CENPE: variants seen among roughly 807,000 people sequenced by gnomAD.
CENPE encodes centromere-associated protein E.
CENPE carries 145 observed loss-of-function variants against 336.1 expected under a neutral mutation model. The ratio of observed to expected loss-of-function variants is 0.43; its 90% CI spans 0.38 to 0.50. CENPE has a LOEUF of 0.50. CENPE is among the 20% of genes least tolerant of loss of function. The probability of loss-of-function intolerance (pLI) is 0.00; values close to 1 mark genes in which losing one functional copy is unlikely to be tolerated. For missense variants in CENPE, 2,719 were observed against 3,023.3 expected, an observed-to-expected ratio of 0.90 and a Z score of 2.36; for synonymous variants, 1,013 against 984.8, an observed-to-expected ratio of 1.03 and a Z score of -0.54.
intron 37 of CENPE, 37 bp downstream of exon 37, chr4:103,140,217 GCA>G (rs1560618184): frequency 6.5e-7 from 1 of 1,547,424 alleles, no homozygotes; most frequent in Non-Finnish European, 8.7e-7. Context: ...ATAATTTTGG[GCA>G]CAGTTACTTC....
chr4:103,182,736 T>G, intron 11 of CENPE, 26 bp downstream of exon 11: 1 of 1,573,352 alleles, frequency 6.4e-7, no homozygotes, highest in Non-Finnish European at 8.6e-7. Context: ...TCCCCTATAT[T>G]AAGCTGAGAT....
intron 16 of CENPE, among the ~76,000 whole-genome samples, chr4:103,171,666 A>T (rs1184769500): frequency 6.6e-6 from 1 of 151,866 alleles, no homozygotes; most frequent in Non-Finnish European, 1.5e-5. Context: ...CAGAGCAGAA[A>T]TAAACAAAAT....
chr4:103,112,472 T>C (rs1749552553), intron 46 of CENPE, among the ~76,000 whole-genome samples: 1 of 140,242 alleles, frequency 7.1e-6, no homozygotes, highest in South Asian at 2.1e-4. Context: ...TATACATATA[T>C]ACTTATATAT....
intron 24 of CENPE, among the ~76,000 whole-genome samples, chr4:103,157,059 CAAAAA>C (rs34199706): frequency 4.1e-5 from 4 of 98,034 alleles, no homozygotes; most frequent in South Asian, 3.1e-4. Context: ...TGGCTACTAT[CAAAAA>C]AAAAAAAAAA....
rs761614204 is a variant in CENPE, at chr4:103,132,797, C to T, written c.6820G>A (p.Glu2274Lys). The T allele has an allele frequency of 2.5e-6, 4 of 1,577,424 alleles. No homozygotes were observed. In the African/African-American group the frequency reaches 5.4e-5, roughly 21 times the overall value. The change falls in exon 42 of 49, where the codon GAG becomes AAG. Residue 2274 changes from glutamate to lysine, a missense_variant. By Grantham distance (56) the Glu-to-Lys change is moderately conservative. Transcript: ENST00000265148. Reference sequence around the variant, plus strand: ...ATATCAAAACGAGTATTTAACCACTCTTCCAAAAACTGTGTCATTTCTTTC... The same window carrying T: ...ATATCAAAACGAGTATTTAACCACTTTTCCAAAAACTGTGTCATTTCTTTC... ...NRKEMTQFLE[E>K]WLNTRFDIEK...
At chr4:103,181,483 G>A in intron 11 of CENPE, 27 bp from the exon 12 acceptor site, 7 of 1,534,362 alleles carry the variant, frequency 4.6e-6, no homozygotes, top group Non-Finnish European at 5.2e-6. Context: ...AAAGTGCTAA[G>A]TGTTCAACAC....
intron 8 of CENPE, among the ~76,000 whole-genome samples, chr4:103,186,234 C>A (rs559535758): frequency 6.6e-6 from 1 of 152,324 alleles, no homozygotes; most frequent in East Asian, 1.9e-4. Flanking sequence ...ACTTCTACAC[C>A]TCCAAGCACC....
intron 33 of CENPE, among the ~76,000 whole-genome samples, chr4:103,143,840 C>T (rs751550855): frequency 1.3e-5 from 2 of 152,168 alleles, no homozygotes; most frequent in African/African-American, 2.4e-5. Context: ...TGTGGATCAA[C>T]GAATAAACCT....
intron 46 of CENPE, among the ~76,000 whole-genome samples, chr4:103,112,240 TATATATA>T (rs1749510309): frequency 6.8e-6 from 1 of 147,908 alleles, no homozygotes; most frequent in Admixed American, 6.8e-5. Context: ...ATATAAGTAT[TATATATA>T]ATATATATTG....
chr4:103,198,146 T>TC, intron 1 of CENPE, 118 bp downstream of exon 1: 1 of 927,580 alleles, frequency 1.1e-6, no homozygotes, highest in Admixed American at 2.5e-5. Context: ...AGCAGCCGAG[T>TC]CACTAGACAG....
intron 16 of CENPE, among the ~76,000 whole-genome samples, chr4:103,164,522 C>A (rs973532420): frequency 6.7e-6 from 1 of 148,606 alleles, no homozygotes; most frequent in Non-Finnish European, 1.5e-5. Flanking sequence ...TAATGTCAGA[C>A]ACATATGTAA....
chr4:103,109,993 ATTC>A (rs1490493850), intron 47 of CENPE, among the ~76,000 whole-genome samples: 1 of 152,100 alleles, frequency 6.6e-6, no homozygotes, highest in East Asian at 1.9e-4. Context: ...CCAATTAGTT[ATTC>A]TTCTTAACTC....
Position 103,133,704 on chromosome 4 carries a change from T to C in CENPE, c.6711A>G (p.Leu2237=), listed in dbSNP as rs1186203756. The C allele has an allele frequency of 6.4e-7, 1 of 1,566,974 alleles. No homozygotes were observed. The highest frequency in any genetic ancestry group is 1.4e-5 in the African/African-American group (1 of 73,720). Residue 2237 remains leucine, a synonymous_variant, in exon 41 of 49, where the codon CTA becomes CTG. Coordinates refer to ENST00000265148, the MANE Select transcript of CENPE (RefSeq NM_001813.3). The stretch of plus-strand genomic sequence containing the variant: ...TTAAAATAAATTATACCTCAATATG[T>C]AGATCCATATTCTGGTTCAATTTGA... ...RDLKLNQNMD[L]HIEEILKDFS...
At chr4:103,179,139 T>G (rs1756123072) in intron 13 of CENPE, among the ~76,000 whole-genome samples, 1 of 152,182 alleles carries the variant, frequency 6.6e-6, no homozygotes, top group Non-Finnish European at 1.5e-5. Context: ...TCCTTCTCCC[T>G]TTCTCTGCCC....
intron 14 of CENPE, 30 bp from the exon 15 acceptor site, chr4:103,176,078 A>C (rs1447068232): frequency 7.2e-7 from 1 of 1,382,702 alleles, no homozygotes; most frequent in Non-Finnish European, 9.9e-7. Flanking sequence ...AAATTTGTCC[A>C]TGAACATGTT....
intron 20 of CENPE, 65 bp from the exon 21 acceptor site, chr4:103,160,844 T>C: frequency 7.4e-7 from 1 of 1,356,794 alleles, no homozygotes; most frequent in South Asian, 1.4e-5. Flanking sequence ...AATTTTTAAT[T>C]GTCCTTGAAT....
chr4:103,188,105 T>C (rs1455099500), intron 8 of CENPE, among the ~76,000 whole-genome samples: 3 of 152,130 alleles, frequency 2.0e-5, no homozygotes, highest in East Asian at 1.9e-4. Context: ...CTATCCTAAA[T>C]ATATATGCAC....
chr4:103,134,068 G>A (rs1198956077), intron 40 of CENPE, among the ~76,000 whole-genome samples, 176 bp from the exon 41 acceptor site: 1 of 151,966 alleles, frequency 6.6e-6, no homozygotes, highest in African/African-American at 2.4e-5. Flanking sequence ...TAGTATCTTA[G>A]GAGAATAACT....
intron 8 of CENPE, among the ~76,000 whole-genome samples, chr4:103,187,646 A>C (rs1208808205): frequency 6.6e-6 from 1 of 152,216 alleles, no homozygotes; most frequent in African/African-American, 2.4e-5. Flanking sequence ...CTCCTGAAGG[A>C]AGCACTAAAC....
Sources: allele counts gnomAD v4.1 joint callset (sites outside exome capture counted in the v4.1 genomes callset), GRCh38; gene constraint gnomAD v4.1.1; transcripts MANE v1.5; gene names NCBI Gene and HGNC (gene_info 2026-07-23, HGNC 2026-07-21).